The following CFAP43 variants were observed in gnomAD, a reference collection of about 807,000 sequenced individuals.
CFAP43 encodes cilia and flagella associated protein 43.
Under a neutral mutation model 218.9 loss-of-function variants are expected in CFAP43, and 155 were observed. The ratio of observed to expected loss-of-function variants is 0.71; its 90% CI spans 0.62 to 0.81. The LOEUF is 0.81. Among genes scored for constraint, CFAP43 ranks in the 30% least tolerant of loss-of-function variants. The probability of loss-of-function intolerance (pLI) is 0.00; values close to 1 mark genes in which losing one functional copy is unlikely to be tolerated. For missense variants in CFAP43, 1,778 were observed against 1,954.3 expected, an observed-to-expected ratio of 0.91 and a Z score of 1.70; for synonymous variants, 645 against 681.3, an observed-to-expected ratio of 0.95 and a Z score of 0.83.
chr10:104,208,698 A>G (rs147431297), intron 5 of CFAP43, among the ~76,000 whole-genome samples: 1 of 152,346 alleles, frequency 6.6e-6, no homozygotes, highest in East Asian at 1.9e-4. Context: ...ATTGCAGTCC[A>G]ATTTAATCCT....
chr10:104,143,693 A>G (rs1018964747), intron 31 of CFAP43, 54 bp from the exon 32 acceptor site: 23 of 1,545,666 alleles, frequency 1.5e-5, no homozygotes, highest in Middle Eastern at 1.7e-4. Flanking sequence ...AAAAACATCA[A>G]TGTGAAACAA....
At position 104,162,344 on chromosome 10, in the gene CFAP43, A is replaced by G. The variant is rs1266924360; in HGVS notation, c.3306T>C (p.His1102=). ...WHKAKELIVN[H]EKEHWLLIQD... Reference sequence around the variant, plus strand: ...GTATCAGAAGCCAGTGCTCCTTTTCATGATTCACGATCAATTCTTTGGCTT... The same window carrying G: ...GTATCAGAAGCCAGTGCTCCTTTTCGTGATTCACGATCAATTCTTTGGCTT... The change falls in exon 25 of 38, where the codon CAT becomes CAC. Residue 1102 remains histidine (H), a synonymous_variant. Transcript: ENST00000357060. 2 of 1,614,192 alleles carry G rather than the reference A, an allele frequency of 1.2e-6. No homozygotes were observed. The highest frequency in any genetic ancestry group is 2.7e-5 in the African/African-American group (2 of 75,056).
intron 28 of CFAP43, among the ~76,000 whole-genome samples, chr10:104,148,728 C>G (rs986991275): frequency 5.9e-5 from 9 of 152,198 alleles, no homozygotes; most frequent in Non-Finnish European, 1.5e-5. Context: ...ACATCAGATG[C>G]CCAATCTTGA....
intron 23 of CFAP43, among the ~76,000 whole-genome samples, chr10:104,165,549 C>T (rs1048230324): frequency 3.3e-5 from 5 of 152,104 alleles, no homozygotes; most frequent in Non-Finnish European, 5.9e-5. Context: ...AAATTGCAGA[C>T]GTGGCTGGAG....
chr10:104,163,993 C>A, intron 24 of CFAP43, 101 bp downstream of exon 24: 2 of 1,147,132 alleles, frequency 1.7e-6, no homozygotes, highest in Non-Finnish European at 1.3e-6. Context: ...GAGAGTGCTA[C>A]CCAGTACAAT....
rs1214726992 is a variant in CFAP43, at chr10:104,188,367, T to C, written c.1590A>G (p.Leu530=). The change falls in exon 13 of 38, where the codon TTA becomes TTG. Residue 530 remains leucine, a synonymous_variant. Transcript: ENST00000357060. ...CCATCACTTCCACTATGTCTGTTTC[T>C]AAAAGAGACACTGTGGATATCTGTA... ...DILQISTVSL[L]ETDIVEVMVL... is the part of the protein sequence containing the mutation. 6.2e-7 allele frequency: 1 copy of C among 1,614,024 alleles called. No homozygotes were observed. The highest frequency in any genetic ancestry group is 1.3e-5 in the African/African-American group (1 of 74,926).
chr10:104,204,869 T>C (rs1452126562), intron 7 of CFAP43, among the ~76,000 whole-genome samples: 2 of 152,162 alleles, frequency 1.3e-5, no homozygotes, highest in African/African-American at 4.8e-5. Flanking sequence ...TGTTTTAGTG[T>C]AGGTCAGTTC....
chr10:104,195,008 A>T (rs1477559515), intron 10 of CFAP43, among the ~76,000 whole-genome samples: 3 of 152,246 alleles, frequency 2.0e-5, no homozygotes, highest in Non-Finnish European at 4.4e-5. Flanking sequence ...CAAAATAAAA[A>T]TAATCAGCTG....
intron 2 of CFAP43, among the ~76,000 whole-genome samples, chr10:104,228,939 A>C (rs181621176): frequency 1.3e-5 from 2 of 152,296 alleles, no homozygotes; most frequent in East Asian, 3.9e-4. Flanking sequence ...TCTCTGATTA[A>C]TATTACTGAT....
At chr10:104,157,042 GA>G (rs1004997961) in intron 27 of CFAP43, among the ~76,000 whole-genome samples, 27 of 152,082 alleles carry the variant, frequency 1.8e-4, no homozygotes, top group Admixed American at 2.6e-4. Flanking sequence ...CACTTCTAAT[GA>G]AAAAAATAAA....
intron 24 of CFAP43, 39 bp downstream of exon 24, chr10:104,164,055 C>T (rs2089019364): frequency 6.2e-7 from 1 of 1,604,816 alleles, no homozygotes; most frequent in African/African-American, 1.3e-5. Context: ...GGAAAGTCTC[C>T]TGAGAAAGAA....
intron 34 of CFAP43, among the ~76,000 whole-genome samples, chr10:104,134,274 T>C (rs2087334943): frequency 6.6e-6 from 1 of 152,140 alleles, no homozygotes; most frequent in Admixed American, 6.5e-5. Context: ...GGTGCACGCC[T>C]GTGGTCCCAG....
intron 20 of CFAP43, 73 bp downstream of exon 20, chr10:104,172,337 A>G: frequency 6.5e-7 from 1 of 1,546,694 alleles, no homozygotes; most frequent in Admixed American, 2.2e-5. Context: ...TATTATGAAA[A>G]AGTTCCCATT....
intron 27 of CFAP43, among the ~76,000 whole-genome samples, chr10:104,153,584 A>G (rs1017222643): frequency 1.1e-4 from 16 of 152,208 alleles, no homozygotes; most frequent in South Asian, 2.1e-4. Context: ...AGTAAAAAAC[A>G]TGTAAAAAAT....
intron 31 of CFAP43, among the ~76,000 whole-genome samples, chr10:104,145,064 C>T (rs2087895420): frequency 6.6e-6 from 1 of 152,162 alleles, no homozygotes; most frequent in African/African-American, 2.4e-5. Context: ...CCAGTATTTT[C>T]CCCAAACTTA....
At chr10:104,211,428 T>C (rs1480290199) in intron 5 of CFAP43, among the ~76,000 whole-genome samples, 1 of 152,186 alleles carries the variant, frequency 6.6e-6, no homozygotes, top group East Asian at 1.9e-4. Context: ...AATGAATGAA[T>C]GGGTGTGTAA....
At chr10:104,206,179 T>C (rs759658455) in intron 6 of CFAP43, 149 bp from the exon 7 acceptor site, 31 of 631,958 alleles carry the variant, frequency 4.9e-5, no homozygotes, top group African/African-American at 1.3e-4. Context: ...ACATAGATGC[T>C]AGATTAGAGA....
chr10:104,164,564 A>AT (rs1370625626), intron 23 of CFAP43, among the ~76,000 whole-genome samples: 2 of 151,862 alleles, frequency 1.3e-5, no homozygotes, highest in East Asian at 1.9e-4. Context: ...CGCCCGGCTA[A>AT]TTTTTTTGTA....
In CFAP43 at chr10:104,162,073, T is replaced by C. The variant is rs2088905086; in HGVS notation, c.3334-32A>G. 3 of 1,599,462 alleles carry C rather than the reference T, an allele frequency of 1.9e-6. No individual in the cohort carries two copies. In the African/African-American group the frequency reaches 4.0e-5, roughly 21 times the overall value. ...AAGAGCCAGAATCAGAGAGGAATAC[T>C]GAGACAGAGACCTGACATTCCAGGT... On this transcript the variant is annotated intron_variant, in intron 25 of 37. Coordinates refer to ENST00000357060, the MANE Select transcript of CFAP43 (RefSeq NM_025145.7).
Sources: allele counts gnomAD v4.1 joint callset (sites outside exome capture counted in the v4.1 genomes callset), GRCh38; gene constraint gnomAD v4.1.1; transcripts MANE v1.5; gene names NCBI Gene and HGNC (gene_info 2026-07-23, HGNC 2026-07-21).